Variants in GNB2 observed in about 807,000 individuals in gnomAD.
The protein encoded by GNB2 is G protein subunit beta 2.
In GNB2, 7 loss-of-function variants were observed where a neutral mutation model predicts 40.7. The observed-to-expected ratio is 0.17, with a 90% confidence interval of 0.10 to 0.32. The LOEUF (loss-of-function observed/expected upper bound fraction) is 0.32, where lower values mean the gene tolerates loss of function less well. Ranked by LOEUF, GNB2 falls within the 10% of genes least tolerant of loss-of-function variation. The pLI is 1.00. For missense variants in GNB2, 286 were observed against 473.0 expected (o/e 0.60, Z 3.67); for synonymous variants, 254 against 191.2 (o/e 1.33, Z -2.71).
At chr7:100,676,112 CA>C in intron 1 of GNB2, 64 bp from the exon 2 acceptor site, 1 of 552,340 alleles carries the variant, frequency 1.8e-6, no homozygotes, top group East Asian at 3.2e-5. Context: ...GGCCGCGCTG[CA>C]ACCCCGCCTT....
chr7:100,674,909 C>G (rs1327609919), intron 1 of GNB2, among the ~76,000 whole-genome samples: 1 of 152,170 alleles, frequency 6.6e-6, no homozygotes, highest in African/African-American at 2.4e-5. Context: ...GGAGTTCTGC[C>G]CGCACCCCCC....
rs1406721466 is a variant in GNB2, at chr7:100,677,801, C to T, written c.480C>T (p.Ser160=). 1.9e-6 allele frequency: 3 copies of T among 1,613,302 alleles called. No individual in the cohort carries two copies. Among genetic ancestry groups the T allele is most frequent in the Non-Finnish European group, 2.5e-6 (3 of 1,179,716 alleles). ...TGGATGACAACCAAATCATCACCAG[C>T]TCTGGGGATACCACCTGGTGAGGCT... The part of the protein sequence containing the change: ...RFLDDNQIIT[S]SGDTTCALWD... The change falls in exon 7 of 10, where the codon AGC becomes AGT. Residue 160 remains serine, a synonymous_variant. Coordinates refer to ENST00000303210, the MANE Select transcript of GNB2 (RefSeq NM_005273.4).
chr7:100,677,155 G>A (rs1804367434), intron 4 of GNB2, 197 bp from the exon 5 acceptor site: 2 of 604,096 alleles, frequency 3.3e-6, no homozygotes, highest in Non-Finnish European at 3.0e-6. Flanking sequence ...TCACCTTGTA[G>A]TCCCAGCTAT....
In GNB2 at chr7:100,677,796, A is replaced by T. The variant is rs1368040132; in HGVS notation, c.475A>T (p.Thr159Ser). The T allele has an allele frequency of 6.2e-7, 1 of 1,613,576 alleles. No homozygotes were observed. Among genetic ancestry groups the T allele is most frequent in the Admixed American group, 1.7e-5 (1 of 60,010 alleles). The stretch of plus-strand genomic sequence containing the variant: ...CTTCCTGGATGACAACCAAATCATC[A>T]CCAGCTCTGGGGATACCACCTGGTG... ...CRFLDDNQII[T>S]SSGDTTCALW... is the part of the protein sequence containing the mutation. The change falls in exon 7 of 10, where the codon ACC (threonine) becomes TCC (serine). Residue 159 changes from threonine to serine, a missense_variant. Coordinates refer to ENST00000303210, the MANE Select transcript of GNB2 (RefSeq NM_005273.4).
At chr7:100,676,905 C>CTGG in intron 4 of GNB2, 106 bp downstream of exon 4, 1 of 671,318 alleles carries the variant, frequency 1.5e-6, no homozygotes, top group South Asian at 1.8e-5. Flanking sequence ...ACCCAGCGTA[C>CTGG]GTCTGGAAAA....
In GNB2 at chr7:100,677,031, C is replaced by T. The variant is rs887673907; in HGVS notation, c.203+232C>T. ...GTGGCTCACGCCTGTAATCCCAGCA[C>T]GTGGGGAGGCCAGGGCAGGATCACT... On this transcript the variant is annotated intron_variant, in intron 4 of 9. Transcript: ENST00000303210. 5.4e-5 allele frequency: 32 copies of T among 592,836 alleles called. No individual in the cohort carries two copies. The African/African-American group carries it at 5.6e-4, about 10-fold the overall frequency. 36.7% of individuals were successfully genotyped at this position (592,836 alleles called of 1,614,324 possible). A position where few individuals can be genotyped will look rare whatever the true frequency, so the allele number is the denominator to read the frequency against.
intron 1 of GNB2, among the ~76,000 whole-genome samples, chr7:100,674,795 C>T (rs932577014): frequency 1.3e-5 from 2 of 152,200 alleles, no homozygotes; most frequent in African/African-American, 4.8e-5. Flanking sequence ...GTTTCTTCCT[C>T]CAGCCGTGCT....
rs1165422534 is a variant in GNB2 at position 100,677,879 on chromosome 7, C to A, written c.497+61C>A. The A allele has an allele frequency of 2.1e-6, 3 of 1,424,368 alleles. No individual in the cohort carries two copies. The African/African-American group carries it at 4.2e-5, about 20-fold the overall frequency. 88.2% of individuals were successfully genotyped at this position (1,424,368 alleles called of 1,614,324 possible). The stretch of plus-strand genomic sequence containing the variant: ...CCCACACTTCCTGCCTCAGGGGCCA[C>A]CGTCCCAGTGCTCAACATGCAGCAT... On this transcript the variant is annotated intron_variant, in intron 7 of 9. Coordinates refer to ENST00000303210, the MANE Select transcript of GNB2 (RefSeq NM_005273.4).
At chr7:100,675,144 G>A (rs1445426396) in intron 1 of GNB2, 1 of 150,822 alleles carries the variant, frequency 6.6e-6, no homozygotes, top group Non-Finnish European at 1.5e-5. Flanking sequence ...CGGGCCCCTG[G>A]GGCCCGGGCG....
chr7:100,676,024 C>T (rs937161057), intron 1 of GNB2, 153 bp from the exon 2 acceptor site: 3 of 482,554 alleles, frequency 6.2e-6, no homozygotes, highest in African/African-American at 6.2e-5. Context: ...GGCGACGTCT[C>T]TGGTGCCGGA....
intron 1 of GNB2, among the ~76,000 whole-genome samples, chr7:100,675,084 C>A (rs1362485715): frequency 6.6e-6 from 1 of 151,786 alleles, no homozygotes; most frequent in Non-Finnish European, 1.5e-5. Flanking sequence ...CCGGATCGCA[C>A]AGGTGTCCCG....
Position 100,676,334 on chromosome 7 carries a change from G to C in GNB2, c.57+12G>C, listed in dbSNP as rs762168294. ...GGAACCAGATCCGGGTGAGGGCCTG[G>C]TGCGGGGCGGGCGATTCATGTGTAC... On this transcript the variant is annotated intron_variant, in intron 2 of 9. Coordinates refer to ENST00000303210, the MANE Select transcript of GNB2 (RefSeq NM_005273.4). The C allele has an allele frequency of 6.3e-7, 1 of 1,598,694 alleles. No individual in the cohort carries two copies. The highest frequency in any genetic ancestry group is 1.7e-5 in the Admixed American group (1 of 58,870).
chr7:100,674,122 C>T (rs2131348228), intron 1 of GNB2, among the ~76,000 whole-genome samples, 199 bp downstream of exon 1: 1 of 152,282 alleles, frequency 6.6e-6, no homozygotes, highest in Middle Eastern at 3.4e-3. Flanking sequence ...ACCGTGCGTG[C>T]GCTTCCCCGC....
At chr7:100,674,009 T>A in intron 1 of GNB2, 86 bp downstream of exon 1, 1 of 154,574 alleles carries the variant, frequency 6.5e-6, no homozygotes, top group Non-Finnish European at 1.4e-5. Context: ...CTCCCGGGGC[T>A]GGCCTCCTGG....
At position 100,678,409 on chromosome 7, in the gene GNB2, C is replaced by T. The variant is rs570986478; in HGVS notation, c.711C>T (p.Asn237=). ...CCCGTGTCCTGCAGTTCTTCCCCAA[C>T]GGCTACGCCTTCACCACCGGCTCTG... The part of the protein sequence containing the change: ...SDINAVAFFP[N]GYAFTTGSDD... Residue 237 remains asparagine, a synonymous_variant, in exon 9 of 10, where the codon AAC becomes AAT. Coordinates refer to ENST00000303210, the MANE Select transcript of GNB2 (RefSeq NM_005273.4). 1.1e-5 allele frequency: 17 copies of T among 1,613,172 alleles called. No individual in the cohort carries two copies. Among genetic ancestry groups the T allele is most frequent in the South Asian group, 3.3e-5 (3 of 91,070 alleles).
At chr7:100,675,120 G>A (rs1804321054) in intron 1 of GNB2, among the ~76,000 whole-genome samples, 1 of 151,272 alleles carries the variant, frequency 6.6e-6, no homozygotes, top group Non-Finnish European at 1.5e-5. Flanking sequence ...TCAGGCTCCC[G>A]GAGCGGAGCC....
Position 100,679,123 on chromosome 7 carries a change from T to TATTA in GNB2, c.*323_*326dup, listed in dbSNP as rs1804447357. 6.8e-6 allele frequency: 2 copies of TATTA among 292,034 alleles called. No homozygotes were observed. Among genetic ancestry groups the TATTA allele is most frequent in the Non-Finnish European group, 1.3e-5 (2 of 156,726 alleles). The allele number at this position is 292,034 out of a possible 1,614,324, so 18.1% of individuals were successfully genotyped here. A position where few individuals can be genotyped will look rare whatever the true frequency, so the allele number is the denominator to read the frequency against. ...TTAAAACTGGTTTTATTTTAATTTT[T>TATTA]ATTATATTTTCAGTTTTTCCATAAA... On this transcript the variant is annotated 3_prime_UTR_variant, in exon 10 of 10. Transcript: ENST00000303210.
chr7:100,678,592 T>C lies in GNB2; in HGVS notation c.894T>C (p.Asp298=). The change falls in exon 9 of 10, where the codon GAT becomes GAC. Residue 298 remains aspartate (D), a synonymous_variant. Coordinates refer to ENST00000303210, the MANE Select transcript of GNB2 (RefSeq NM_005273.4). The stretch of plus-strand genomic sequence containing the variant: ...ACGACTTCAACTGCAACATCTGGGA[T>C]GCCATGAAGGGCGACCGTGCAGGTG... ...GYDDFNCNIW[D]AMKGDRAGVL... 1 of 1,613,770 alleles carries C rather than the reference T, an allele frequency of 6.2e-7. No individual in the cohort carries two copies. Among genetic ancestry groups the C allele is most frequent in the Non-Finnish European group, 8.5e-7 (1 of 1,179,950 alleles).
In GNB2 at chr7:100,676,586, G is replaced by A. The variant is rs1000302566; in HGVS notation, c.96+13G>A. On this transcript the variant is annotated intron_variant, in intron 3 of 9. Coordinates refer to ENST00000303210, the MANE Select transcript of GNB2 (RefSeq NM_005273.4). ...AACACTGACCCAGGTGAGGGCACTT[G>A]GTGGCCAGAGCGTAACTAGGGGTTG... The A allele has an allele frequency of 1.9e-6, 3 of 1,606,406 alleles. No homozygotes were observed. The African/African-American group carries it at 4.0e-5, about 21-fold the overall frequency.
Sources: gnomAD v4.1 joint callset for allele counts (sites outside exome capture counted in the v4.1 genomes callset) on GRCh38, gnomAD v4.1.1 for gene constraint, MANE v1.5 for transcripts, NCBI Gene and HGNC (gene_info 2026-07-23, HGNC 2026-07-21) for gene names.